The following EXD2 variants were observed in gnomAD, a reference collection of about 807,000 sequenced individuals.
The protein encoded by EXD2 is exonuclease 3'-5' domain containing 2.
In EXD2, 40 loss-of-function variants were observed where a neutral mutation model predicts 62.5. The observed-to-expected ratio is 0.64, with a 90% CI of 0.50 to 0.83. EXD2 has a LOEUF of 0.83. Among genes scored for constraint, EXD2 ranks in the 40% least tolerant of loss-of-function variants. EXD2 has a pLI of 0.00. For synonymous variants in EXD2, 239 were observed against 291.9 expected, an observed-to-expected ratio of 0.82 and a Z score of 1.85; for missense variants, 671 against 761.8, an observed-to-expected ratio of 0.88 and a Z score of 1.40.
chr14:69,225,587 T>G (rs2043331463), intron 3 of EXD2, among the ~76,000 whole-genome samples: 1 of 152,218 alleles, frequency 6.6e-6, no homozygotes, highest in Admixed American at 6.5e-5. Flanking sequence ...TTTTCATATA[T>G]GTTGACTAAT....
intron 3 of EXD2, among the ~76,000 whole-genome samples, chr14:69,223,354 CA>C (rs2043250799): frequency 6.6e-6 from 1 of 152,152 alleles, no homozygotes; most frequent in Non-Finnish European, 1.5e-5. Flanking sequence ...TTTTTCTTCC[CA>C]AACTTGTTAT....
intron 3 of EXD2, among the ~76,000 whole-genome samples, chr14:69,214,440 A>G (rs1165334230): frequency 2.0e-5 from 3 of 152,044 alleles, no homozygotes; most frequent in Non-Finnish European, 4.4e-5. Context: ...TCTCTTTTAC[A>G]ATTCCCTTTT....
intron 3 of EXD2, among the ~76,000 whole-genome samples, chr14:69,215,171 T>C (rs756946138): frequency 6.6e-6 from 1 of 152,012 alleles, no homozygotes; most frequent in African/African-American, 2.4e-5. Context: ...ACAGGTATAA[T>C]CCCAGTTACT....
At chr14:69,228,789 C>T in intron 3 of EXD2, 27 bp from the exon 4 acceptor site, 1 of 1,594,296 alleles carries the variant, frequency 6.3e-7, no homozygotes, top group Non-Finnish European at 8.5e-7. Context: ...CAGGTGTGAA[C>T]CACAACCTTG....
chr14:69,219,270 A>G (rs186525862), intron 3 of EXD2, among the ~76,000 whole-genome samples: 2,018 of 152,258 alleles, frequency 0.013, 40 homozygotes, highest in African/African-American at 0.047. Context: ...CTTTGAAGCA[A>G]TTGTGAATGG....
chr14:69,240,646 C>A (rs1188631137), intron 9 of EXD2, among the ~76,000 whole-genome samples: 1 of 152,128 alleles, frequency 6.6e-6, no homozygotes, highest in Non-Finnish European at 1.5e-5. Flanking sequence ...ATGAAGTGGC[C>A]TTCCTGTCAG....
intron 5 of EXD2, among the ~76,000 whole-genome samples, chr14:69,233,204 A>G (rs2043646664): frequency 6.6e-6 from 1 of 152,176 alleles, no homozygotes; most frequent in Non-Finnish European, 1.5e-5. Flanking sequence ...TGTGGGAAAC[A>G]GTCTGCTAAT....
chr14:69,201,704 A>T (rs2042410561), intron 1 of EXD2, among the ~76,000 whole-genome samples: 1 of 102,294 alleles, frequency 9.8e-6, no homozygotes, highest in African/African-American at 4.2e-5. Flanking sequence ...TTTTTTTGAG[A>T]CAGAGTCTTG....
chr14:69,235,962 C>T (rs942306447), intron 6 of EXD2, 84 bp from the exon 7 acceptor site: 1 of 982,690 alleles, frequency 1.0e-6, no homozygotes. Flanking sequence ...TTTTGAGTCA[C>T]TCAGAAGAGA....
chr14:69,226,982 A>C (rs534844411), intron 3 of EXD2, among the ~76,000 whole-genome samples: 4 of 152,054 alleles, frequency 2.6e-5, no homozygotes, highest in Non-Finnish European at 4.4e-5. Context: ...TAAGATTATA[A>C]ATTCCTTAAA....
intron 3 of EXD2, among the ~76,000 whole-genome samples, chr14:69,210,984 G>A (rs999754458): frequency 3.3e-5 from 5 of 152,100 alleles, no homozygotes; most frequent in Admixed American, 3.3e-4. Context: ...GATATTGATG[G>A]CTGCTGACTG....
In EXD2 at chr14:69,241,197, T is replaced by C; in HGVS notation, c.*97T>C. On this transcript the variant is annotated 3_prime_UTR_variant, in exon 10 of 10. Transcript: ENST00000685843. ...TAGTACATCATTAATTGTCAAAGCC[T>C]GTGTGACACAACTCAGAATACTAAC... is the stretch of plus-strand genomic sequence containing the variant. 2 of 968,852 alleles carry C rather than the reference T, an allele frequency of 2.1e-6. No homozygotes were observed. Among genetic ancestry groups the C allele is most frequent in the East Asian group, 2.6e-5 (1 of 38,528 alleles). 60.0% of individuals were successfully genotyped at this position (968,852 alleles called of 1,614,324 possible).
chr14:69,222,127 A>G (rs1229996441), intron 3 of EXD2, among the ~76,000 whole-genome samples: 1 of 150,796 alleles, frequency 6.6e-6, no homozygotes, highest in Non-Finnish European at 1.5e-5. Context: ...TGTTTATGAT[A>G]TCCTCTGAAA....
chr14:69,231,689 T>C (rs2043584832), intron 5 of EXD2, among the ~76,000 whole-genome samples: 3 of 152,226 alleles, frequency 2.0e-5, no homozygotes, highest in South Asian at 4.1e-4. Flanking sequence ...GAGCCTTCTC[T>C]CCTAGAGCCC....
rs1225332633 is a variant in EXD2, at chr14:69,228,987, T to C, written c.505T>C (p.Ser169Pro). 4 of 1,614,080 alleles carry C rather than the reference T, an allele frequency of 2.5e-6. No individual in the cohort carries two copies. The highest frequency in any genetic ancestry group is 3.4e-6 in the Non-Finnish European group (4 of 1,180,042). ...GTILKVGVGC[S>P]EDASKLLQDY... is the part of the protein sequence containing the mutation. ...CATTTTGAAAGTTGGAGTGGGATGC[T>C]CAGAAGATGCCAGCAAGCTTCTGCA... Residue 169 changes from serine to proline, a missense_variant, in exon 4 of 10, where the codon TCA (serine) becomes CCA (proline). Coordinates refer to ENST00000685843, the MANE Select transcript of EXD2 (RefSeq NM_001193360.2).
intron 3 of EXD2, chr14:69,228,047 CTT>C (rs1367638338): frequency 2.6e-5 from 4 of 151,978 alleles, no homozygotes; most frequent in Non-Finnish European, 4.4e-5. Flanking sequence ...TCTTCTACCT[CTT>C]TTTAAAAATT....
chr14:69,194,711 C>T (rs2042142014), intron 1 of EXD2, among the ~76,000 whole-genome samples: 1 of 152,102 alleles, frequency 6.6e-6, no homozygotes, highest in African/African-American at 2.4e-5. Flanking sequence ...GCATACTTTT[C>T]TATTTTGCTG....
intron 3 of EXD2, among the ~76,000 whole-genome samples, chr14:69,222,668 G>T (rs764371796): frequency 1.3e-5 from 2 of 151,976 alleles, no homozygotes; most frequent in African/African-American, 2.4e-5. Flanking sequence ...AGTCAAGCAC[G>T]TTCTGTAAAT....
chr14:69,207,319 C>A (rs2042635962), intron 2 of EXD2, among the ~76,000 whole-genome samples: 1 of 151,830 alleles, frequency 6.6e-6, no homozygotes, highest in Non-Finnish European at 1.5e-5. Context: ...CATGGTAAAA[C>A]CCTGTCTCTA....
Sources: gnomAD v4.1 joint callset for allele counts (sites outside exome capture counted in the v4.1 genomes callset) on GRCh38, gnomAD v4.1.1 for gene constraint, MANE v1.5 for transcripts, NCBI Gene and HGNC (gene_info 2026-07-23, HGNC 2026-07-21) for gene names.